The following KCNAB1 variants were observed in gnomAD, a reference collection of about 807,000 sequenced individuals.
KCNAB1 encodes the protein voltage-gated potassium channel subunit beta-1.
A neutral mutation model predicts 64.6 loss-of-function variants in KCNAB1; 35 were observed. That is an observed-to-expected ratio of 0.54 (90% CI 0.41 to 0.72). The LOEUF is 0.72. KCNAB1 is among the 30% of genes least tolerant of loss of function. KCNAB1 has a pLI of 0.00. For missense variants in KCNAB1, 401 were observed against 512.9 expected (o/e 0.78, Z 2.11); for synonymous variants, 177 against 183.8 (o/e 0.96, Z 0.30).
Position 156,129,850 on chromosome 3 carries a change from C to T in KCNAB1, c.275+8964C>T, listed in dbSNP as rs75426339. 8.9e-3 allele frequency among the ~76,000 whole-genome samples: 1,354 copies of T among 152,324 alleles called. 30 individuals carry two copies. The highest frequency in any genetic ancestry group is 0.031 in the African/African-American group (1,305 of 41,562). ...CTTAGCAAATGGTCTTGACATGCTG[C>T]TTCCCTCCTCGTTTAACTTAGAAAC... On this transcript the variant is annotated intron_variant, in intron 1 of 13. Transcript: ENST00000490337.
intron 2 of KCNAB1, among the ~76,000 whole-genome samples, 192 bp downstream of exon 2, chr3:156,421,851 A>G (rs1191543436): frequency 2.6e-5 from 4 of 152,112 alleles, no homozygotes; most frequent in African/African-American, 9.7e-5. Flanking sequence ...CACCGTGTTC[A>G]TGATTCCTTA....
In KCNAB1 at chr3:156,408,842, G is replaced by A. The variant is rs564592596; in HGVS notation, c.276-12774G>A. On this transcript the variant is annotated intron_variant, in intron 1 of 13. Coordinates refer to ENST00000490337, the MANE Select transcript of KCNAB1 (RefSeq NM_172160.3). ...TTCAGGTATAGGCAAAATAAAGTAT[G>A]TGTTTATGTTCACCCATTAAGTGAA... Among the ~76,000 whole-genome samples, 4 of 152,148 alleles carry A rather than the reference G, an allele frequency of 2.6e-5. No homozygotes were observed. The South Asian group carries it at 8.3e-4, about 32-fold the overall frequency.
chr3:156,499,667 T>G (rs1716249279), intron 8 of KCNAB1, among the ~76,000 whole-genome samples: 1 of 152,128 alleles, frequency 6.6e-6, no homozygotes, highest in Non-Finnish European at 1.5e-5. Context: ...AGAGAGAAAT[T>G]TAAAACTGGC....
chr3:156,377,061 A>T (rs1224380596), intron 1 of KCNAB1, among the ~76,000 whole-genome samples: 1 of 152,222 alleles, frequency 6.6e-6, no homozygotes, highest in Non-Finnish European at 1.5e-5. Context: ...TAACTGAGTC[A>T]TTAATGGAAA....
At chr3:156,364,908 G>C (rs1725850257) in intron 1 of KCNAB1, among the ~76,000 whole-genome samples, 1 of 152,102 alleles carries the variant, frequency 6.6e-6, no homozygotes, top group Non-Finnish European at 1.5e-5. Flanking sequence ...TTATTTTCAG[G>C]GAAAAAGTGG....
chr3:156,284,476 G>C (rs1231891539), intron 1 of KCNAB1, among the ~76,000 whole-genome samples: 1 of 152,224 alleles, frequency 6.6e-6, no homozygotes, highest in African/African-American at 2.4e-5. Context: ...AGGCCTCCTT[G>C]AGCTGTGGTG....
chr3:156,457,204 T>A, intron 3 of KCNAB1: 1 of 1,280,324 alleles, frequency 7.8e-7, no homozygotes, highest in Non-Finnish European at 9.9e-7. Flanking sequence ...AACACAAATC[T>A]ATCCACTTTG....
At chr3:156,459,287 CCT>C (rs1400863623) in intron 4 of KCNAB1, among the ~76,000 whole-genome samples, 5 of 152,150 alleles carry the variant, frequency 3.3e-5, no homozygotes, top group Non-Finnish European at 7.4e-5. Flanking sequence ...GTTATGTCTT[CCT>C]CTGTTTTGCT....
intron 1 of KCNAB1, among the ~76,000 whole-genome samples, chr3:156,360,603 G>C (rs1725538880): frequency 6.6e-6 from 1 of 151,982 alleles, no homozygotes; most frequent in Non-Finnish European, 1.5e-5. Context: ...AGTCCTGGCA[G>C]CTCATGAGGC....
At chr3:156,208,073 A>T (rs1232684282) in intron 1 of KCNAB1, among the ~76,000 whole-genome samples, 2 of 151,636 alleles carry the variant, frequency 1.3e-5, no homozygotes, top group African/African-American at 4.8e-5. Flanking sequence ...TACATGATAT[A>T]TTTTTTTTTC....
chr3:156,342,475 GA>G (rs1724184217), intron 1 of KCNAB1, among the ~76,000 whole-genome samples: 1 of 151,800 alleles, frequency 6.6e-6, no homozygotes, highest in African/African-American at 2.4e-5. Context: ...AGCAGATGCT[GA>G]GAGCTTTTAA....
chr3:156,307,378 T>C (rs1409693159), intron 1 of KCNAB1, among the ~76,000 whole-genome samples: 1 of 151,978 alleles, frequency 6.6e-6, no homozygotes, highest in Non-Finnish European at 1.5e-5. Context: ...TTTTTTTTTT[T>C]TATTGTTGGT....
chr3:156,261,933 ACTT>A (rs1294473224), intron 1 of KCNAB1, among the ~76,000 whole-genome samples: 5 of 152,022 alleles, frequency 3.3e-5, no homozygotes, highest in South Asian at 4.1e-4. Flanking sequence ...CAAAATTTGT[ACTT>A]CTTTTTAAAA....
intron 1 of KCNAB1, among the ~76,000 whole-genome samples, chr3:156,156,909 G>A (rs959597345): frequency 6.6e-6 from 1 of 152,150 alleles, no homozygotes; most frequent in Admixed American, 6.5e-5. Flanking sequence ...TGTAGAGAGA[G>A]ATTATAACAA....
At chr3:156,488,182 A>G (rs772045097) in intron 8 of KCNAB1, among the ~76,000 whole-genome samples, 17 of 152,260 alleles carry the variant, frequency 1.1e-4, no homozygotes, top group Middle Eastern at 3.4e-3. Flanking sequence ...AGAGAACAAC[A>G]TAGACAAAGA....
chr3:156,298,669 T>C (rs1720953274), intron 1 of KCNAB1, among the ~76,000 whole-genome samples: 1 of 152,212 alleles, frequency 6.6e-6, no homozygotes, highest in Non-Finnish European at 1.5e-5. Flanking sequence ...AATATAGGAC[T>C]CTTAATTTAT....
intron 8 of KCNAB1, among the ~76,000 whole-genome samples, chr3:156,504,519 T>G (rs2108373483): frequency 6.6e-6 from 1 of 152,158 alleles, no homozygotes; most frequent in East Asian, 1.9e-4. Flanking sequence ...CTAATATACA[T>G]TCCTACCAAC....
At chr3:156,381,785 C>A (rs1221102550) in intron 1 of KCNAB1, among the ~76,000 whole-genome samples, 1 of 152,156 alleles carries the variant, frequency 6.6e-6, no homozygotes, top group Admixed American at 6.5e-5. Flanking sequence ...TATCCTGTGG[C>A]CCCTGGAAAA....
chr3:156,370,434 G>GA (rs1460087855), intron 1 of KCNAB1, among the ~76,000 whole-genome samples: 1 of 152,176 alleles, frequency 6.6e-6, no homozygotes, highest in East Asian at 1.9e-4. Context: ...AGCACTAAGT[G>GA]AAATAATCCA....
Sources: allele counts gnomAD v4.1 joint callset (sites outside exome capture counted in the v4.1 genomes callset), GRCh38; gene constraint gnomAD v4.1.1; transcripts MANE v1.5; gene names NCBI Gene and HGNC (gene_info 2026-07-23, HGNC 2026-07-21).